The following ARID1B variants were observed in gnomAD, a reference collection of about 807,000 sequenced individuals.
ARID1B encodes AT-rich interactive domain-containing protein 1B.
Under a neutral mutation model 212.3 loss-of-function variants are expected in ARID1B, and 30 were observed. The ratio of observed to expected loss-of-function variants is 0.14; its 90% CI spans 0.11 to 0.19. The LOEUF is 0.19. Ranked by LOEUF, ARID1B falls within the 10% of genes least tolerant of loss-of-function variation. The pLI, the probability that ARID1B is intolerant of heterozygous loss-of-function variation, is 1.00. For missense variants in ARID1B, 2,891 were observed against 3,204.0 expected, an observed-to-expected ratio of 0.90 and a Z score of 2.36; for synonymous variants, 1,402 against 1,301.7, an observed-to-expected ratio of 1.08 and a Z score of -1.66.
chr6:156,880,810 G>T (rs558510304), intron 2 of ARID1B, among the ~76,000 whole-genome samples: 2 of 150,098 alleles, frequency 1.3e-5, no homozygotes, highest in South Asian at 4.2e-4. Flanking sequence ...GTGGATGTTA[G>T]TTATTAAGCT....
chr6:157,177,269 A>G lies in ARID1B; in HGVS notation c.3504+2264A>G, dbSNP rs1406831410. ...GTCAGATTATTGCTCTGTGTTGAGA[A>G]AACAGCCACTTTTTTGAATGAGATG... is the stretch of plus-strand genomic sequence containing the variant. On this transcript the variant is annotated intron_variant, in intron 11 of 19. Coordinates refer to ENST00000636930, the MANE Select transcript of ARID1B (RefSeq NM_001374828.1). Among the ~76,000 whole-genome samples, 3 of 152,216 alleles carry G rather than the reference A, an allele frequency of 2.0e-5. No homozygotes were observed. In the East Asian group the frequency reaches 5.8e-4, roughly 29 times the overall value.
chr6:157,047,961 G>A (rs543127244), intron 4 of ARID1B, among the ~76,000 whole-genome samples: 1 of 152,310 alleles, frequency 6.6e-6, no homozygotes, highest in South Asian at 2.1e-4. Context: ...CAAGCTACTT[G>A]AGATTTTGTT....
intron 5 of ARID1B, among the ~76,000 whole-genome samples, chr6:157,090,582 G>A (rs1785213685): frequency 1.3e-5 from 2 of 152,216 alleles, no homozygotes; most frequent in African/African-American, 2.4e-5. Context: ...TATTAGGTAA[G>A]ACTAATCAAA....
At position 157,161,948 on chromosome 6, in the gene ARID1B, C is replaced by G. The variant is rs112255377; in HGVS notation, c.3090-5092C>G. Among the ~76,000 whole-genome samples the G allele has an allele frequency of 5.3e-3, 805 of 152,302 alleles. 10 individuals carry two copies. Among genetic ancestry groups the G allele is most frequent in the African/African-American group, 0.019 (776 of 41,558 alleles). On this transcript the variant is annotated intron_variant, in intron 8 of 19. Transcript: ENST00000636930. Reference sequence around the variant, plus strand: ...AGTGTGCACTGCGTGATGCTCATTCCGAACATAACTCAAGGGTGGTATTTG... The same window carrying G: ...AGTGTGCACTGCGTGATGCTCATTCGGAACATAACTCAAGGGTGGTATTTG...
chr6:156,832,145 A>T (rs576658366), intron 2 of ARID1B, among the ~76,000 whole-genome samples: 3 of 152,220 alleles, frequency 2.0e-5, no homozygotes, highest in South Asian at 2.1e-4. Flanking sequence ...AATGGAAAAA[A>T]ATAGTGAAGA....
intron 2 of ARID1B, among the ~76,000 whole-genome samples, chr6:156,867,710 C>T (rs911985457): frequency 2.0e-5 from 3 of 152,074 alleles, no homozygotes; most frequent in Non-Finnish European, 4.4e-5. Flanking sequence ...AGAGAATATA[C>T]TTCTGGTGTG....
Position 157,208,715 on chromosome 6 carries a change from C to CTTTTTTTTTTT in ARID1B, c.*832_*842dup, listed in dbSNP as rs878880822. ...AAACATACCCTCATTTTTTTCTTTT[C>CTTTTTTTTTTT]TTTTTTTTTTTTTTTTTTAGTACAA... On this transcript the variant is annotated 3_prime_UTR_variant, in exon 20 of 20. Coordinates refer to ENST00000636930, the MANE Select transcript of ARID1B (RefSeq NM_001374828.1). The CTTTTTTTTTTT allele has an allele frequency of 7.1e-6, 1 of 140,056 alleles. No homozygotes were observed. Among genetic ancestry groups the CTTTTTTTTTTT allele is most frequent in the Non-Finnish European group, 1.4e-5 (1 of 70,888 alleles). 8.7% of individuals were successfully genotyped at this position (140,056 alleles called of 1,614,324 possible). A position where few individuals can be genotyped will look rare whatever the true frequency, so the allele number is the denominator to read the frequency against.
intron 8 of ARID1B, chr6:157,149,224 A>G (rs1790025427): frequency 2.3e-6 from 1 of 440,438 alleles, no homozygotes; most frequent in Non-Finnish European, 4.2e-6. Context: ...TAGTCATTGC[A>G]GCAGCAAACC....
At chr6:156,792,957 A>G (rs1780108856) in intron 1 of ARID1B, among the ~76,000 whole-genome samples, 1 of 152,090 alleles carries the variant, frequency 6.6e-6, no homozygotes, top group African/African-American at 2.4e-5. Context: ...TTAAATGAGG[A>G]CAATGAAAAA....
chr6:156,899,219 G>A (rs567232882), intron 2 of ARID1B, among the ~76,000 whole-genome samples: 1 of 145,028 alleles, frequency 6.9e-6, no homozygotes, highest in Admixed American at 6.8e-5. Context: ...GTGACTGACC[G>A]TATTCACACA....
At chr6:156,779,541 C>G in intron 1 of ARID1B, 70 bp downstream of exon 1, 1 of 1,213,876 alleles carries the variant, frequency 8.2e-7, no homozygotes, top group Non-Finnish European at 1.0e-6. Flanking sequence ...GAGTTTCTTT[C>G]TTTGCCGCGT....
intron 4 of ARID1B, among the ~76,000 whole-genome samples, chr6:156,960,165 G>A (rs893335049): frequency 3.3e-5 from 5 of 151,854 alleles, no homozygotes; most frequent in African/African-American, 7.3e-5. Flanking sequence ...TACTGACCTC[G>A]TGATCTGCCC....
At chr6:156,894,431 G>T (rs942118959) in intron 2 of ARID1B, among the ~76,000 whole-genome samples, 7 of 152,108 alleles carry the variant, frequency 4.6e-5, no homozygotes, top group African/African-American at 1.7e-4. Flanking sequence ...ATGTACTTAT[G>T]CATCATTGAA....
chr6:156,784,017 AACTT>A (rs776577779), intron 1 of ARID1B, among the ~76,000 whole-genome samples: 12 of 152,176 alleles, frequency 7.9e-5, no homozygotes, highest in Non-Finnish European at 1.3e-4. Context: ...ATATTAATAA[AACTT>A]AATTCCATTT....
Position 156,955,179 on chromosome 6 carries a change from A to G in ARID1B, c.2247+19603A>G, listed in dbSNP as rs1793875979. Among the ~76,000 whole-genome samples the G allele has an allele frequency of 6.6e-6, 1 of 152,198 alleles. No individual in the cohort carries two copies. The highest frequency in any genetic ancestry group is 2.4e-5 in the African/African-American group (1 of 41,444). Reference sequence around the variant, plus strand: ...TTCAAGCTTGCTAACGTGTGTTAGGATCCTGAATCTGGCATCTGTTGTATT... The same window carrying G: ...TTCAAGCTTGCTAACGTGTGTTAGGGTCCTGAATCTGGCATCTGTTGTATT... On this transcript the variant is annotated intron_variant, in intron 4 of 19. Coordinates refer to ENST00000636930, the MANE Select transcript of ARID1B (RefSeq NM_001374828.1). The surrounding 1 kb of genome is among the most constrained non-coding windows in gnomAD (Gnocchi z 4.2).
At chr6:156,858,382 G>A (rs891700145) in intron 2 of ARID1B, among the ~76,000 whole-genome samples, 3 of 152,206 alleles carry the variant, frequency 2.0e-5, no homozygotes, top group African/African-American at 4.8e-5. Flanking sequence ...GAACTGGAAT[G>A]TTCCTAACAC....
At chr6:156,812,436 G>A (rs1016115961) in intron 1 of ARID1B, among the ~76,000 whole-genome samples, 8 of 147,388 alleles carry the variant, frequency 5.4e-5, no homozygotes, top group African/African-American at 2.0e-4. Context: ...GAACTCATAG[G>A]ACAGTGGCAT....
At chr6:156,948,216 T>C (rs140205182) in intron 4 of ARID1B, among the ~76,000 whole-genome samples, 211 of 152,336 alleles carry the variant, frequency 1.4e-3, no homozygotes, top group African/African-American at 5.0e-3. Context: ...TTGCTGCATT[T>C]ATTTATTTAT....
At chr6:156,904,665 A>C (rs1789220954) in intron 3 of ARID1B, among the ~76,000 whole-genome samples, 2 of 152,376 alleles carry the variant, frequency 1.3e-5, no homozygotes, top group South Asian at 4.1e-4. Flanking sequence ...GTACAGATTG[A>C]GCACCCTAAA....
Sources: gnomAD v4.1 joint callset for allele counts (sites outside exome capture counted in the v4.1 genomes callset) on GRCh38, gnomAD v4.1.1 for gene constraint, Gnocchi (gnomAD v3.1) non-coding constraint, MANE v1.5 for transcripts, NCBI Gene and HGNC (gene_info 2026-07-23, HGNC 2026-07-21) for gene names.